The following PRIM2 variants were observed in gnomAD, a reference collection of about 807,000 sequenced individuals.
The protein encoded by PRIM2 is DNA primase subunit 2, also known as DNA primase large subunit.
In PRIM2, 39 loss-of-function variants were observed where a neutral mutation model predicts 67.3. The observed-to-expected ratio is 0.58, with a 90% CI of 0.45 to 0.76. PRIM2 has a LOEUF of 0.76. Ranked by LOEUF, PRIM2 falls within the 30% of genes least tolerant of loss-of-function variation. The pLI is 0.00. For synonymous variants in PRIM2, 143 were observed against 198.7 expected (o/e 0.72, Z 2.36); for missense variants, 398 against 598.7 (o/e 0.66, Z 3.50).
intron 5 of PRIM2, among the ~76,000 whole-genome samples, chr6:57,328,482 A>G (rs1285969908): frequency 5.3e-5 from 8 of 152,202 alleles, no homozygotes; most frequent in Admixed American, 2.0e-4. Context: ...TTTACTTAGC[A>G]TAATATTTTC....
At chr6:57,295,464 ATC>A in the PRIM2 span, among the ~76,000 whole-genome samples, 7 of 152,140 alleles carry the variant, frequency 4.6e-5, 1 homozygote, top group South Asian at 1.5e-3. Context: ...AGAGTCCTAA[ATC>A]TCTCTCCTGT....
chr6:57,587,663 TCA>T (rs1776216125), intron 10 of PRIM2, among the ~76,000 whole-genome samples: 1 of 27,118 alleles, frequency 3.7e-5, no homozygotes, highest in Non-Finnish European at 5.8e-5. Context: ...AGACTCTGTC[TCA>T]AAAAAAAAAA....
chr6:57,424,484 G>A (rs192018920), intron 7 of PRIM2, among the ~76,000 whole-genome samples: 40 of 152,268 alleles, frequency 2.6e-4, no homozygotes, highest in Admixed American at 4.6e-4. Flanking sequence ...GATAACATGA[G>A]TAAGTGCTAA....
chr6:57,299,363 T>C, the PRIM2 span, among the ~76,000 whole-genome samples: 3 of 152,180 alleles, frequency 2.0e-5, no homozygotes, highest in Non-Finnish European at 4.4e-5. Context: ...AAAGGACATA[T>C]TCTCAGAAAA....
chr6:57,402,566 G>T (rs961157323), intron 7 of PRIM2, among the ~76,000 whole-genome samples: 1 of 152,198 alleles, frequency 6.6e-6, no homozygotes, highest in Non-Finnish European at 1.5e-5. Flanking sequence ...AAATGGAGAT[G>T]TGCAGCTTAC....
In PRIM2 at chr6:57,326,356, T is replaced by A. The variant is rs891179504; in HGVS notation, c.459+311T>A. 1.9e-5 allele frequency: 4 copies of A among 207,766 alleles called. No individual in the cohort carries two copies. In the East Asian group the frequency reaches 4.7e-4, roughly 24 times the overall value. 12.9% of individuals were successfully genotyped at this position (207,766 alleles called of 1,614,324 possible). On this transcript the variant is annotated intron_variant, in intron 5 of 13. Coordinates refer to ENST00000615550, the MANE Select transcript of PRIM2 (RefSeq NM_000947.5). ...GTCGGCCAAAATAAAGCTAATAATG[T>A]GTTAAACTAGACAAGTGGTAGTTTC... is the stretch of plus-strand genomic sequence containing the variant.
intron 8 of PRIM2, among the ~76,000 whole-genome samples, chr6:57,531,165 G>GT (rs1233867840): frequency 2.0e-5 from 3 of 152,052 alleles, no homozygotes; most frequent in South Asian, 2.1e-4. Flanking sequence ...TTGTTTGTTT[G>GT]TTTTTTTGAG....
chr6:57,631,823 A>G (rs1252174079), intron 12 of PRIM2, among the ~76,000 whole-genome samples: 1 of 152,240 alleles, frequency 6.6e-6, no homozygotes, highest in Non-Finnish European at 1.5e-5. Context: ...TCTGACAATA[A>G]CTGTCAAAGT....
chr6:57,546,284 T>C (rs1159473811), intron 10 of PRIM2, among the ~76,000 whole-genome samples: 7 of 152,186 alleles, frequency 4.6e-5, no homozygotes, highest in Non-Finnish European at 7.4e-5. Flanking sequence ...TTTAATCTAC[T>C]TGGTTATAGT....
At chr6:57,370,113 A>G (rs1247479412) in intron 5 of PRIM2, among the ~76,000 whole-genome samples, 1 of 152,214 alleles carries the variant, frequency 6.6e-6, no homozygotes, top group Admixed American at 6.5e-5. Flanking sequence ...TGATTTTGAA[A>G]ACTATTCTCT....
intron 4 of PRIM2, among the ~76,000 whole-genome samples, chr6:57,325,166 G>GCCATAAC (rs1767802952): frequency 9.2e-5 from 14 of 152,104 alleles, no homozygotes; most frequent in Admixed American, 7.9e-4. Flanking sequence ...CATAAGCAAA[G>GCCATAAC]TTTCCTTTGC....
intron 5 of PRIM2, among the ~76,000 whole-genome samples, chr6:57,333,866 C>G (rs1768136421): frequency 6.6e-6 from 1 of 152,088 alleles, no homozygotes; most frequent in African/African-American, 2.4e-5. Context: ...ATGATTACAT[C>G]TAGCTAATTA....
chr6:57,553,462 A>G (rs1473538106), intron 10 of PRIM2, among the ~76,000 whole-genome samples: 7 of 152,160 alleles, frequency 4.6e-5, no homozygotes, highest in African/African-American at 1.7e-4. Context: ...GTATTTGAAT[A>G]TAATGTTCAC....
In PRIM2 at chr6:57,455,217, A is replaced by G. The variant is rs1479226588; in HGVS notation, c.694-52170A>G. On this transcript the variant is annotated intron_variant, in intron 7 of 13. Coordinates refer to ENST00000615550, the MANE Select transcript of PRIM2 (RefSeq NM_000947.5). ...TGCTTTACTTCCAACTATGTGGTCCATTTTGGAATAAGTGAGGTGTGGTGC... is the reference window on the plus strand; with the variant it reads ...TGCTTTACTTCCAACTATGTGGTCCGTTTTGGAATAAGTGAGGTGTGGTGC... Among the ~76,000 whole-genome samples, 192 of 152,270 alleles carry G rather than the reference A, an allele frequency of 1.3e-3. 5 individuals are homozygous for G. In the East Asian group the frequency reaches 0.016, roughly 13 times the overall value.
At chr6:57,577,962 G>A (rs1775993338) in intron 10 of PRIM2, among the ~76,000 whole-genome samples, 1 of 152,138 alleles carries the variant, frequency 6.6e-6, no homozygotes, top group Non-Finnish European at 1.5e-5. Flanking sequence ...TCCAGTTCAA[G>A]ACTCCACGTT....
intron 5 of PRIM2, among the ~76,000 whole-genome samples, chr6:57,344,501 T>C (rs1429465881): frequency 1.3e-5 from 2 of 151,994 alleles, no homozygotes; most frequent in East Asian, 1.9e-4. Flanking sequence ...TCTGTTACAA[T>C]TGAATACCTT....
intron 13 of PRIM2, among the ~76,000 whole-genome samples, chr6:57,642,381 TATTA>T (rs1777254389): frequency 6.7e-6 from 1 of 149,310 alleles, no homozygotes; most frequent in African/African-American, 2.5e-5. Flanking sequence ...ATTTAAAAAA[TATTA>T]ATTAAAATGA....
the PRIM2 span, among the ~76,000 whole-genome samples, chr6:57,232,101 A>G: frequency 6.6e-6 from 1 of 152,148 alleles, no homozygotes; most frequent in Non-Finnish European, 1.5e-5. Context: ...TTTTCAAGAG[A>G]CATTATTTAA....
At chr6:57,487,181 G>A (rs1363596499) in intron 7 of PRIM2, among the ~76,000 whole-genome samples, 1 of 152,110 alleles carries the variant, frequency 6.6e-6, no homozygotes, top group East Asian at 1.9e-4. Flanking sequence ...ATAAGCACTC[G>A]ATTTTGAATT....
Sources: allele counts gnomAD v4.1 joint callset (sites outside exome capture counted in the v4.1 genomes callset), GRCh38; gene constraint gnomAD v4.1.1; transcripts MANE v1.5; gene names NCBI Gene and HGNC (gene_info 2026-07-23, HGNC 2026-07-21).